The following POLD3 variants were observed in gnomAD, a reference collection of about 807,000 sequenced individuals.
The protein encoded by POLD3 is DNA polymerase delta 3, accessory subunit, also known as DNA polymerase delta subunit 3.
POLD3 carries 19 observed loss-of-function variants against 58.2 expected under a neutral mutation model. That is an observed-to-expected ratio of 0.33 (90% CI 0.23 to 0.48). The LOEUF (loss-of-function observed/expected upper bound fraction) is 0.48, where lower values mean the gene tolerates loss of function less well. Among genes scored for constraint, POLD3 ranks in the 20% least tolerant of loss-of-function variants. The pLI is 0.99. For missense variants in POLD3, 504 were observed against 545.5 expected, an observed-to-expected ratio of 0.92 and a Z score of 0.76; for synonymous variants, 172 against 193.5, an observed-to-expected ratio of 0.89 and a Z score of 0.92.
intron 1 of POLD3, 135 bp from the exon 2 acceptor site, chr11:74,593,926 A>G: frequency 3.5e-6 from 2 of 575,116 alleles, no homozygotes; most frequent in Middle Eastern, 2.8e-4. Context: ...TTCTTGGGAA[A>G]ACTGCAGTGG....
intron 2 of POLD3, 38 bp downstream of exon 2, chr11:74,594,154 AT>A (rs373584162): frequency 2.6e-4 from 333 of 1,270,302 alleles, no homozygotes; most frequent in Non-Finnish European, 3.2e-4. Context: ...TCATATTGGA[AT>A]TTTTTTTTGT....
In POLD3 at chr11:74,625,523, A is replaced by G. The variant is rs1158999567; in HGVS notation, c.849A>G (p.Lys283=). The change falls in exon 8 of 12, where the codon AAA becomes AAG. Residue 283 remains lysine (K), a synonymous_variant. Transcript: ENST00000263681. ...TGGCAACTCCTGCAGGCCTGAAAAA[A>G]TCCAGCAAAAAAGCAGAGCCTGTTA... is the stretch of plus-strand genomic sequence containing the variant. ...PKLATPAGLK[K]SSKKAEPVKV... The G allele has an allele frequency of 1.2e-6, 2 of 1,613,818 alleles. No homozygotes were observed. The highest frequency in any genetic ancestry group is 2.7e-5 in the African/African-American group (2 of 74,902).
Position 74,617,203 on chromosome 11 carries a change from C to A in POLD3, c.393-1334C>A, listed in dbSNP as rs149531687. On this transcript the variant is annotated intron_variant, in intron 5 of 11. Transcript: ENST00000263681. Reference sequence around the variant, plus strand: ...TGTTACATTATGGATTTGTGTGAAACGGCACTTCTATAATGATTAGAGAGA... The same window carrying A: ...TGTTACATTATGGATTTGTGTGAAAAGGCACTTCTATAATGATTAGAGAGA... Among the ~76,000 whole-genome samples, 513 of 152,278 alleles carry A rather than the reference C, an allele frequency of 3.4e-3. 3 individuals carry two copies. Among genetic ancestry groups the A allele is most frequent in the African/African-American group, 0.012 (482 of 41,564 alleles).
rs372089286 is a variant in POLD3, at chr11:74,597,605, C to T, written c.116+3489C>T. ...CCTCCCGACTAGCTGGAACTACAGG[C>T]GCATGCCACCACACTTGGTTACTTT... On this transcript the variant is annotated intron_variant, in intron 2 of 11. Coordinates refer to ENST00000263681, the MANE Select transcript of POLD3 (RefSeq NM_006591.3). 1.6e-4 allele frequency among the ~76,000 whole-genome samples: 24 copies of T among 152,308 alleles called. No homozygotes were observed. The East Asian group carries it at 4.2e-3, about 27-fold the overall frequency.
At chr11:74,607,221 A>G (rs1289562113) in intron 3 of POLD3, among the ~76,000 whole-genome samples, 2 of 143,092 alleles carry the variant, frequency 1.4e-5, no homozygotes, top group African/African-American at 5.4e-5. Context: ...GCAGCTTTGT[A>G]TGGAATTTAT....
In POLD3 at chr11:74,617,223, G is replaced by C. The variant is rs550489937; in HGVS notation, c.393-1314G>C. ...TGAAACGGCACTTCTATAATGATTA[G>C]AGAGAGATGTATGTTCCCTTTAATA... On this transcript the variant is annotated intron_variant, in intron 5 of 11. Coordinates refer to ENST00000263681, the MANE Select transcript of POLD3 (RefSeq NM_006591.3). 2.6e-5 allele frequency among the ~76,000 whole-genome samples: 4 copies of C among 152,298 alleles called. No individual in the cohort carries two copies. In the South Asian group the frequency reaches 8.3e-4, roughly 32 times the overall value.
chr11:74,661,206 AT>A (rs2033203084), intron 4 of POLD3, among the ~76,000 whole-genome samples: 1 of 152,022 alleles, frequency 6.6e-6, no homozygotes, highest in African/African-American at 2.4e-5. Context: ...CTGGCACTTT[AT>A]TTAGTTCATT....
Position 74,639,525 on chromosome 11 carries a change from T to A in POLD3, c.1199-1039T>A, listed in dbSNP as rs145202280. ...CCTTCAATGTTTCTCTATCGCTTGC[T>A]GCAACCAGGAAGGCTGAGAAAGAAT... On this transcript the variant is annotated intron_variant, in intron 11 of 11. Transcript: ENST00000263681. Among the ~76,000 whole-genome samples the A allele has an allele frequency of 2.3e-4, 35 of 152,378 alleles. 1 individual carries two copies. The East Asian group carries it at 5.8e-3, about 25-fold the overall frequency.
intron 4 of POLD3, among the ~76,000 whole-genome samples, chr11:74,656,767 A>T (rs1398169708): frequency 6.0e-5 from 9 of 149,392 alleles, no homozygotes; most frequent in African/African-American, 2.2e-4. Context: ...TTTTAAGGTT[A>T]TAAGATTTGT....
chr11:74,665,069 C>A (rs1032940645), intron 4 of POLD3, among the ~76,000 whole-genome samples: 4 of 151,460 alleles, frequency 2.6e-5, no homozygotes, highest in African/African-American at 9.7e-5. Context: ...CACTGCACTC[C>A]AGCCTGGTCA....
At chr11:74,614,938 C>T (rs531245417) in intron 5 of POLD3, among the ~76,000 whole-genome samples, 39 of 152,138 alleles carry the variant, frequency 2.6e-4, no homozygotes, top group African/African-American at 7.7e-4. Flanking sequence ...TGTGAGAAAT[C>T]CAAGTGAGGA....
At chr11:74,615,045 GTAGA>G (rs2070173332) in intron 5 of POLD3, among the ~76,000 whole-genome samples, 1 of 152,322 alleles carries the variant, frequency 6.6e-6, no homozygotes, top group South Asian at 2.1e-4. Context: ...GGCCATAGCA[GTAGA>G]TAGAGTTATC....
intron 11 of POLD3, 77 bp downstream of exon 11, chr11:74,636,352 C>G: frequency 5.7e-6 from 8 of 1,405,026 alleles, no homozygotes; most frequent in Non-Finnish European, 8.0e-6. Flanking sequence ...CCTTTTAGAA[C>G]AGGTACATCT....
chr11:74,600,460 G>A (rs981810881), intron 2 of POLD3, among the ~76,000 whole-genome samples: 1 of 151,412 alleles, frequency 6.6e-6, no homozygotes, highest in Non-Finnish European at 1.5e-5. Flanking sequence ...CACACCTGGC[G>A]CTACTGAAAT....
At position 74,618,632 on chromosome 11, in the gene POLD3, C is replaced by T; in HGVS notation, c.488C>T (p.Ser163Leu). The T allele has an allele frequency of 6.2e-7, 1 of 1,614,098 alleles. No individual in the cohort carries two copies. The highest frequency in any genetic ancestry group is 1.1e-5 in the South Asian group (1 of 91,068). ...TTTGAGCAGTCACATCTTCACATGTCAAGTGAGACACAAGCCAACAATGAG... is the reference window on the plus strand; with the variant it reads ...TTTGAGCAGTCACATCTTCACATGTTAAGTGAGACACAAGCCAACAATGAG... Reference protein sequence around the residue: ...KKFEQSHLHMSSETQANNELT... With the variant: ...KKFEQSHLHMLSETQANNELT... Residue 163 changes from serine to leucine, a missense_variant, in exon 6 of 12, where the codon TCA becomes TTA. Physicochemically the swap from Ser to Leu is moderately radical, Grantham distance 145. Coordinates refer to ENST00000263681, the MANE Select transcript of POLD3 (RefSeq NM_006591.3).
chr11:74,648,094 C>T (rs79689695), intron 4 of POLD3, among the ~76,000 whole-genome samples: 4,146 of 152,236 alleles, frequency 0.027, 222 homozygotes, highest in African/African-American at 0.094. Context: ...TATATTTGAA[C>T]GCTTGTGATT....
intron 1 of POLD3, 63 bp from the exon 2 acceptor site, chr11:74,593,998 C>T (rs778202335): frequency 1.1e-5 from 9 of 837,600 alleles, no homozygotes; most frequent in East Asian, 7.3e-5. Flanking sequence ...AACAGACCTT[C>T]GGGACTGATG....
chr11:74,664,295 A>G (rs1230357483), intron 4 of POLD3, among the ~76,000 whole-genome samples: 1 of 152,348 alleles, frequency 6.6e-6, no homozygotes, highest in East Asian at 1.9e-4. Flanking sequence ...CAAGAAAATG[A>G]AAACATACAT....
At chr11:74,603,814 A>G (rs2031585390) in intron 2 of POLD3, among the ~76,000 whole-genome samples, 1 of 152,224 alleles carries the variant, frequency 6.6e-6, no homozygotes, top group African/African-American at 2.4e-5. Flanking sequence ...TATGCTTGGC[A>G]GAAGTATATT....
Sources: gnomAD v4.1 joint callset for allele counts (sites outside exome capture counted in the v4.1 genomes callset) on GRCh38, gnomAD v4.1.1 for gene constraint, MANE v1.5 for transcripts, NCBI Gene and HGNC (gene_info 2026-07-23, HGNC 2026-07-21) for gene names.